IMPG1: variants seen among roughly 807,000 people sequenced by gnomAD.
IMPG1 encodes interphotoreceptor matrix proteoglycan 1.
A neutral mutation model predicts 92.0 loss-of-function variants in IMPG1; 85 were observed. The ratio of observed to expected loss-of-function variants is 0.92; its 90% CI spans 0.78 to 1.11. IMPG1 has a LOEUF of 1.11. IMPG1 is among the 50% of genes least tolerant of loss of function. IMPG1 has a pLI of 0.00. For missense variants in IMPG1, 1,022 were observed against 956.0 expected (o/e 1.07, Z -0.91); for synonymous variants, 367 against 334.1 (o/e 1.10, Z -1.08).
chr6:75,980,181 G>A (rs1305142230), intron 12 of IMPG1, among the ~76,000 whole-genome samples: 1 of 152,144 alleles, frequency 6.6e-6, no homozygotes, highest in African/African-American at 2.4e-5. Context: ...TTGGATTTAT[G>A]AATATGAAAT....
intron 4 of IMPG1, among the ~76,000 whole-genome samples, chr6:76,028,096 T>A (rs138864306): frequency 1.0e-3 from 156 of 152,360 alleles, no homozygotes; most frequent in African/African-American, 3.5e-3. Context: ...CAAAATTCTA[T>A]GGGATTTCAA....
At chr6:76,040,908 C>A (rs992874631) in intron 2 of IMPG1, among the ~76,000 whole-genome samples, 4 of 152,106 alleles carry the variant, frequency 2.6e-5, no homozygotes, top group Non-Finnish European at 4.4e-5. Context: ...TAGTGTACAA[C>A]ACATCACAGG....
At chr6:76,064,540 G>T (rs1222977852) in intron 1 of IMPG1, among the ~76,000 whole-genome samples, 1 of 151,930 alleles carries the variant, frequency 6.6e-6, no homozygotes, top group Non-Finnish European at 1.5e-5. Flanking sequence ...TCCTCACTGG[G>T]GAGACCTCAG....
intron 3 of IMPG1, 41 bp downstream of exon 3, chr6:76,034,580 T>C: frequency 6.2e-7 from 1 of 1,603,508 alleles, no homozygotes; most frequent in East Asian, 2.2e-5. Flanking sequence ...TGGGAACTGT[T>C]CGTGCAGTGT....
chr6:75,956,588 C>T (rs895500827), intron 12 of IMPG1, among the ~76,000 whole-genome samples: 2 of 151,804 alleles, frequency 1.3e-5, no homozygotes, highest in African/African-American at 2.4e-5. Context: ...ATGTCTCTAT[C>T]TTCTTCACTT....
At chr6:75,934,862 C>T (rs370697416) in intron 14 of IMPG1, 18 of 444,938 alleles carry the variant, frequency 4.0e-5, no homozygotes, top group African/African-American at 3.6e-4. Flanking sequence ...GTGCTGAGTG[C>T]CTTATCTCCC....
intron 12 of IMPG1, among the ~76,000 whole-genome samples, chr6:75,960,982 A>T (rs543029550): frequency 2.0e-5 from 3 of 152,220 alleles, no homozygotes; most frequent in Non-Finnish European, 4.4e-5. Flanking sequence ...TCCAGGTTGG[A>T]GTTCTGTCCA....
At chr6:75,957,712 G>A (rs1782152719) in intron 12 of IMPG1, among the ~76,000 whole-genome samples, 1 of 152,148 alleles carries the variant, frequency 6.6e-6, no homozygotes, top group Non-Finnish European at 1.5e-5. Context: ...TTTTATCAGA[G>A]ACTAGAATTG....
intron 2 of IMPG1, among the ~76,000 whole-genome samples, chr6:76,041,668 G>C (rs1783844284): frequency 6.6e-6 from 1 of 152,106 alleles, no homozygotes; most frequent in Admixed American, 6.5e-5. Flanking sequence ...ATGCCCTATT[G>C]GTTCTATGCT....
chr6:76,030,816 A>G (rs1783640824), intron 4 of IMPG1, among the ~76,000 whole-genome samples: 1 of 152,196 alleles, frequency 6.6e-6, no homozygotes, highest in Admixed American at 6.5e-5. Flanking sequence ...AACAACTGTT[A>G]GATGTACTTC....
intron 12 of IMPG1, among the ~76,000 whole-genome samples, chr6:75,953,046 T>G (rs755999221): frequency 3.3e-5 from 5 of 152,196 alleles, no homozygotes; most frequent in Admixed American, 6.5e-5. Flanking sequence ...TTTTGTGTCA[T>G]GGGAAATGCA....
intron 8 of IMPG1, among the ~76,000 whole-genome samples, chr6:76,010,380 T>C (rs1349962161): frequency 1.3e-5 from 2 of 152,186 alleles, no homozygotes; most frequent in Non-Finnish European, 2.9e-5. Flanking sequence ...TATGAGTTCA[T>C]CTGTAGACGT....
intron 1 of IMPG1, among the ~76,000 whole-genome samples, chr6:76,045,769 C>T (rs1467213441): frequency 1.3e-5 from 2 of 152,138 alleles, no homozygotes; most frequent in Non-Finnish European, 2.9e-5. Context: ...AGATGCTGTT[C>T]TCCAGTCCTG....
At chr6:75,991,419 G>A (rs1782811729) in intron 12 of IMPG1, among the ~76,000 whole-genome samples, 1 of 151,392 alleles carries the variant, frequency 6.6e-6, no homozygotes, top group Non-Finnish European at 1.5e-5. Flanking sequence ...AGGCAAAAGA[G>A]GCAGACACAC....
chr6:76,015,244 C>A (rs577748803), intron 7 of IMPG1, among the ~76,000 whole-genome samples: 2 of 152,146 alleles, frequency 1.3e-5, no homozygotes, highest in Admixed American at 1.3e-4. Context: ...TCCATTAATT[C>A]CTGATTAGGC....
chr6:75,973,415 CATTT>C (rs1782455375), intron 12 of IMPG1, among the ~76,000 whole-genome samples: 1 of 152,152 alleles, frequency 6.6e-6, no homozygotes, highest in African/African-American at 2.4e-5. Flanking sequence ...TTCATTCATT[CATTT>C]AACAAATATT....
intron 1 of IMPG1, among the ~76,000 whole-genome samples, chr6:76,049,190 A>G (rs2225036): frequency 0.58 from 87,965 of 151,916 alleles, 28,025 homozygotes; most frequent in Non-Finnish European, 0.72. Context: ...GGGGCCTATC[A>G]GAGAGTGGAG....
intron 15 of IMPG1, among the ~76,000 whole-genome samples, chr6:75,925,747 C>T (rs772195124): frequency 2.0e-5 from 3 of 152,132 alleles, no homozygotes; most frequent in Non-Finnish European, 4.4e-5. Flanking sequence ...CTCACTGCAA[C>T]CTCCATCTCC....
chr6:76,030,566 A>T (rs1204503458), intron 4 of IMPG1, among the ~76,000 whole-genome samples: 1 of 152,138 alleles, frequency 6.6e-6, no homozygotes, highest in Non-Finnish European at 1.5e-5. Context: ...TTAATTTCCC[A>T]AGCCTTAAAC....
Sources: allele counts gnomAD v4.1 joint callset (sites outside exome capture counted in the v4.1 genomes callset), GRCh38; gene constraint gnomAD v4.1.1; transcripts MANE v1.5; gene names NCBI Gene and HGNC (gene_info 2026-07-23, HGNC 2026-07-21).